The following ACTR3C variants were observed in gnomAD, a reference collection of about 807,000 sequenced individuals.
ACTR3C encodes actin-related protein 3C.
In ACTR3C, 18 loss-of-function variants were observed where a neutral mutation model predicts 26.3. The observed-to-expected ratio is 0.68, with a 90% confidence interval of 0.47 to 1.01. The LOEUF is 1.01. ACTR3C is among the 50% of genes least tolerant of loss of function. The pLI is 0.00. For synonymous variants in ACTR3C, 55 were observed against 94.5 expected (o/e 0.58, Z 2.42); for missense variants, 184 against 250.7 (o/e 0.73, Z 1.80).
chr7:150,216,193 T>C, the ACTR3C span, among the ~76,000 whole-genome samples: 1 of 152,100 alleles, frequency 6.6e-6, no homozygotes, highest in African/African-American at 2.4e-5. Flanking sequence ...TTAGATAAAA[T>C]GGGGTCTCAA....
At chr7:150,081,599 A>C in the ACTR3C span, among the ~76,000 whole-genome samples, 17 of 151,584 alleles carry the variant, frequency 1.1e-4, no homozygotes, top group East Asian at 7.7e-4. Flanking sequence ...GATGCATCAC[A>C]GATAGCAAAC....
chr7:150,248,265 G>A (rs558916522), intron 7 of ACTR3C: 1 of 152,082 alleles, frequency 6.6e-6, no homozygotes, highest in Non-Finnish European at 1.5e-5. Context: ...AGTGGTCCGC[G>A]TTCTGCTCTC....
At chr7:149,976,845 TAC>T in the ACTR3C span, among the ~76,000 whole-genome samples, 1 of 151,476 alleles carries the variant, frequency 6.6e-6, no homozygotes, top group East Asian at 1.9e-4. Flanking sequence ...TCGAGTGGGG[TAC>T]AGCATCGCAT....
At chr7:150,223,201 C>G in the ACTR3C span, among the ~76,000 whole-genome samples, 1 of 152,172 alleles carries the variant, frequency 6.6e-6, no homozygotes, top group African/African-American at 2.4e-5. Flanking sequence ...AACTCCCTCA[C>G]TGAATGCAAT....
the ACTR3C span, among the ~76,000 whole-genome samples, chr7:150,230,857 A>G: frequency 6.6e-6 from 1 of 152,116 alleles, no homozygotes; most frequent in Non-Finnish European, 1.5e-5. Flanking sequence ...TGATATTGTC[A>G]ATTTGTAGTA....
the ACTR3C span, among the ~76,000 whole-genome samples, chr7:150,039,391 CGGGGGGGAAGAGGGA>C: frequency 8.2e-4 from 35 of 42,494 alleles, no homozygotes; most frequent in South Asian, 0.024. Context: ...CCTAAGAACC[CGGGGGGGAAGAGGGA>C]CTGGCTCTCA....
chr7:150,185,076 C>T, the ACTR3C span, among the ~76,000 whole-genome samples: 1 of 151,600 alleles, frequency 6.6e-6, no homozygotes, highest in Non-Finnish European at 1.5e-5. Context: ...CTTAACTAGA[C>T]CTGATCCCTT....
chr7:150,158,569 C>G, the ACTR3C span, among the ~76,000 whole-genome samples: 1 of 152,052 alleles, frequency 6.6e-6, no homozygotes, highest in African/African-American at 2.4e-5. Flanking sequence ...AGTGAAATAA[C>G]CCAGGCACAG....
the ACTR3C span, among the ~76,000 whole-genome samples, chr7:150,217,730 GCAGGTGGT>G: frequency 6.9e-6 from 1 of 143,948 alleles, no homozygotes; most frequent in Non-Finnish European, 1.5e-5. Flanking sequence ...GCAGCTGTTA[GCAGGTGGT>G]CAGGTGCCCC....
the ACTR3C span, among the ~76,000 whole-genome samples, chr7:150,220,829 C>T: frequency 2.6e-5 from 4 of 152,290 alleles, no homozygotes; most frequent in Non-Finnish European, 4.4e-5. Context: ...TCTTTCCACA[C>T]CCCCCTCACC....
chr7:150,072,841 T>C, the ACTR3C span, among the ~76,000 whole-genome samples: 1 of 151,874 alleles, frequency 6.6e-6, no homozygotes. Flanking sequence ...AGGAAGATAC[T>C]GGAAGAGGAA....
chr7:149,900,455 A>G, the ACTR3C span, among the ~76,000 whole-genome samples: 9 of 151,988 alleles, frequency 5.9e-5, no homozygotes, highest in Non-Finnish European at 1.2e-4. Context: ...GATTACAGGC[A>G]TAAGCCACCG....
At chr7:150,247,188 C>T (rs1418188890), downstream of ACTR3C, 2 of 152,212 alleles carry the variant, frequency 1.3e-5, no homozygotes, top group African/African-American at 2.4e-5. Flanking sequence ...TCTCCTTCCA[C>T]TCCTGAGAAA....
At chr7:150,304,107 G>A (rs918939562) in intron 1 of ACTR3C, among the ~76,000 whole-genome samples, 1 of 152,178 alleles carries the variant, frequency 6.6e-6, no homozygotes, top group Admixed American at 6.5e-5. Context: ...AGGAGAGGAG[G>A]CGACAATATA....
At chr7:149,890,374 A>G in the ACTR3C span, among the ~76,000 whole-genome samples, 1,370 of 149,874 alleles carry the variant, frequency 9.1e-3, 29 homozygotes, top group African/African-American at 0.032. Flanking sequence ...ATTTCTTCTC[A>G]TTTATCTGTG....
At chr7:149,903,700 C>T in the ACTR3C span, among the ~76,000 whole-genome samples, 3 of 150,594 alleles carry the variant, frequency 2.0e-5, no homozygotes, top group African/African-American at 4.9e-5. Flanking sequence ...TGTCACTACA[C>T]GTAGCTAATT....
chr7:150,195,084 ACT>A, the ACTR3C span, among the ~76,000 whole-genome samples: 12,143 of 148,936 alleles, frequency 0.082, 729 homozygotes, highest in East Asian at 0.16. Flanking sequence ...ACAGAGTGAG[ACT>A]CTGTTTCAAA....
chr7:150,059,336 T>A, the ACTR3C span, among the ~76,000 whole-genome samples: 1 of 152,216 alleles, frequency 6.6e-6, no homozygotes, highest in African/African-American at 2.4e-5. Flanking sequence ...TAGCTCACAA[T>A]CTAAAAAGAA....
chr7:150,206,148 T>C, the ACTR3C span, among the ~76,000 whole-genome samples: 550 of 152,304 alleles, frequency 3.6e-3, 1 homozygote, highest in Admixed American at 5.6e-3. Context: ...TGCTCTCCGC[T>C]TTCTCTTCTC....
Sources: allele counts gnomAD v4.1 joint callset (sites outside exome capture counted in the v4.1 genomes callset), GRCh38; gene constraint gnomAD v4.1.1; transcripts MANE v1.5; gene names NCBI Gene and HGNC (gene_info 2026-07-23, HGNC 2026-07-21).